Variants in SGCD observed in about 807,000 individuals in gnomAD.
The protein encoded by SGCD is delta-sarcoglycan.
A neutral mutation model predicts 36.6 loss-of-function variants in SGCD; 18 were observed. That is an observed-to-expected ratio of 0.49 (90% CI 0.34 to 0.73). The LOEUF is 0.73. Among genes scored for constraint, SGCD ranks in the 30% least tolerant of loss-of-function variants. The probability of loss-of-function intolerance (pLI) is 0.01; values close to 1 mark genes in which losing one functional copy is unlikely to be tolerated. For missense variants in SGCD, 387 were observed against 346.7 expected (o/e 1.12, Z -0.92); for synonymous variants, 133 against 130.6 (o/e 1.02, Z -0.12).
At chr5:155,927,801 A>G (rs111473694) in intron 1 of SGCD, among the ~76,000 whole-genome samples, 10 of 152,160 alleles carry the variant, frequency 6.6e-5, no homozygotes, top group Non-Finnish European at 1.5e-4. Flanking sequence ...AAGATGGTTT[A>G]TGTCCAACAA....
intron 4 of SGCD, among the ~76,000 whole-genome samples, chr5:156,573,696 T>A (rs1392177592): frequency 6.6e-6 from 1 of 152,132 alleles, no homozygotes; most frequent in African/African-American, 2.4e-5. Context: ...TGTTATTTTT[T>A]ATTAATTTTT....
chr5:156,562,588 C>T (rs543957590), intron 4 of SGCD, among the ~76,000 whole-genome samples: 1 of 151,948 alleles, frequency 6.6e-6, no homozygotes, highest in East Asian at 1.9e-4. Context: ...AGGGAGACAT[C>T]AAAAAATTTT....
At chr5:156,159,413 T>A (rs1213194187) in intron 3 of SGCD, among the ~76,000 whole-genome samples, 3 of 151,460 alleles carry the variant, frequency 2.0e-5, no homozygotes, top group Non-Finnish European at 2.9e-5. Context: ...ATGAAAAAAA[T>A]CTAGCATCTG....
chr5:155,813,831 A>C, the SGCD span, among the ~76,000 whole-genome samples: 1 of 152,202 alleles, frequency 6.6e-6, no homozygotes, highest in Non-Finnish European at 1.5e-5. Flanking sequence ...AGATAGTAAA[A>C]TGGTAGTGAC....
the SGCD span, among the ~76,000 whole-genome samples, chr5:155,848,930 A>C: frequency 6.6e-6 from 1 of 152,220 alleles, no homozygotes; most frequent in Non-Finnish European, 1.5e-5. Flanking sequence ...TACATGAATG[A>C]ATTAATTCGT....
chr5:155,753,499 A>T, the SGCD span, among the ~76,000 whole-genome samples: 1 of 152,160 alleles, frequency 6.6e-6, no homozygotes, highest in African/African-American at 2.4e-5. Context: ...AGGGAAGCCC[A>T]TGTTTTGGAG....
At chr5:156,681,581 T>A (rs1753724257) in intron 7 of SGCD, among the ~76,000 whole-genome samples, 2 of 152,148 alleles carry the variant, frequency 1.3e-5, no homozygotes, top group Non-Finnish European at 1.5e-5. Flanking sequence ...CCCTTCTGTA[T>A]CAATATGTTG....
chr5:156,444,488 G>A (rs1166368467), intron 3 of SGCD, among the ~76,000 whole-genome samples: 5 of 152,030 alleles, frequency 3.3e-5, no homozygotes, highest in South Asian at 4.1e-4. Flanking sequence ...GCTGGTTGAA[G>A]GTACACAGCT....
chr5:155,861,804 G>A, the SGCD span, among the ~76,000 whole-genome samples: 134,270 of 152,286 alleles, frequency 0.88, 59,275 homozygotes, highest in East Asian at 0.99. Flanking sequence ...TTGAAATTCC[G>A]TGGGGAAAAG....
chr5:156,486,730 C>A (rs1162708251), intron 3 of SGCD, among the ~76,000 whole-genome samples: 1 of 152,130 alleles, frequency 6.6e-6, no homozygotes, highest in Non-Finnish European at 1.5e-5. Context: ...TGAGAATAGA[C>A]CCCTTTTGCC....
At chr5:156,551,303 G>A (rs766063803) in intron 4 of SGCD, among the ~76,000 whole-genome samples, 1 of 151,896 alleles carries the variant, frequency 6.6e-6, no homozygotes, top group South Asian at 2.1e-4. Context: ...TTTTTCCTAG[G>A]ACTTATTCCC....
rs1757912589 is a variant in SGCD, at chr5:155,966,934, C to CAT, written c.-282+96511_-282+96512dup. On this transcript the variant is annotated intron_variant, in intron 1 of 9. Transcript: ENST00000517913. ...TTTTACAAAGGCCAATATAGGTTTT[C>CAT]ATGTGTGTGTGTGTGTGTGTGTGTA... 1.8e-4 allele frequency among the ~76,000 whole-genome samples: 23 copies of CAT among 126,372 alleles called. No homozygotes were observed. In the South Asian group the frequency reaches 6.0e-3, roughly 33 times the overall value. 82.9% of individuals were successfully genotyped at this position (126,372 alleles called of 152,430 possible). A position where few individuals can be genotyped will look rare whatever the true frequency, so the allele number is the denominator to read the frequency against.
At chr5:156,550,524 T>C (rs976067696) in intron 4 of SGCD, among the ~76,000 whole-genome samples, 2 of 152,188 alleles carry the variant, frequency 1.3e-5, no homozygotes, top group East Asian at 3.9e-4. Flanking sequence ...TTTATGACCA[T>C]TGATTTACAC....
chr5:155,922,176 G>T (rs1389770313), intron 1 of SGCD, among the ~76,000 whole-genome samples: 1 of 152,168 alleles, frequency 6.6e-6, no homozygotes, highest in Non-Finnish European at 1.5e-5. Flanking sequence ...GATGTTTGTT[G>T]ATCGTTAGGG....
intron 3 of SGCD, among the ~76,000 whole-genome samples, chr5:156,185,928 G>T (rs1763746805): frequency 8.0e-6 from 1 of 124,440 alleles, no homozygotes; most frequent in African/African-American, 2.8e-5. Flanking sequence ...GTTCATAATT[G>T]CTCTGTTTCA....
intron 3 of SGCD, among the ~76,000 whole-genome samples, chr5:156,499,259 G>T (rs1213874602): frequency 6.6e-6 from 1 of 152,104 alleles, no homozygotes; most frequent in Non-Finnish European, 1.5e-5. Flanking sequence ...GTATGGAAAT[G>T]GTAGCTTTTG....
At chr5:156,159,085 G>C (rs985879454) in intron 3 of SGCD, among the ~76,000 whole-genome samples, 2 of 151,504 alleles carry the variant, frequency 1.3e-5, no homozygotes, top group Non-Finnish European at 2.9e-5. Context: ...TAGCGTATGT[G>C]ACCAGCACTC....
the SGCD span, among the ~76,000 whole-genome samples, chr5:155,817,270 A>C: frequency 6.6e-6 from 1 of 152,070 alleles, no homozygotes; most frequent in African/African-American, 2.4e-5. Flanking sequence ...ATTATGTTAG[A>C]GTACAAATTC....
At chr5:155,900,944 A>G (rs1317114088) in intron 1 of SGCD, among the ~76,000 whole-genome samples, 1 of 152,174 alleles carries the variant, frequency 6.6e-6, no homozygotes, top group Non-Finnish European at 1.5e-5. Context: ...TCATTAAGGA[A>G]GTATTTAAAG....
Sources: gnomAD v4.1 joint callset for allele counts (sites outside exome capture counted in the v4.1 genomes callset) on GRCh38, gnomAD v4.1.1 for gene constraint, MANE v1.5 for transcripts, NCBI Gene and HGNC (gene_info 2026-07-23, HGNC 2026-07-21) for gene names.